BMPR2: variants seen among roughly 807,000 people sequenced by gnomAD.
BMPR2 encodes the protein bone morphogenetic protein receptor type-2.
In BMPR2, 29 loss-of-function variants were observed where a neutral mutation model predicts 100.8. The observed-to-expected ratio is 0.29, with a 90% CI of 0.21 to 0.39. BMPR2 has a LOEUF of 0.39. Ranked by LOEUF, BMPR2 falls within the 10% of genes least tolerant of loss-of-function variation. BMPR2 has a pLI of 1.00. For missense variants in BMPR2, 1,011 were observed against 1,274.5 expected (o/e 0.79, Z 3.15); for synonymous variants, 382 against 442.3 (o/e 0.86, Z 1.71).
At chr2:202,421,558 C>T (rs560606736) in intron 1 of BMPR2, among the ~76,000 whole-genome samples, 6 of 143,454 alleles carry the variant, frequency 4.2e-5, no homozygotes, top group South Asian at 4.4e-4. Context: ...AGGAGAATGG[C>T]GTGAACCTGG....
intron 7 of BMPR2, among the ~76,000 whole-genome samples, chr2:202,525,951 C>T (rs541304969): frequency 2.0e-5 from 3 of 146,990 alleles, no homozygotes; most frequent in South Asian, 4.3e-4. Context: ...CTGCAACCTC[C>T]GCCTCCCGGG....
rs555109009 is a variant in BMPR2 at position 202,503,218 on chromosome 2, G to A, written c.419-10501G>A. Reference sequence around the variant, plus strand: ...AGAGGGGGGATTGAGAGGTAACAGCGTGCTGGCAGTCCTCACAGCCCTCGC... The same window carrying A: ...AGAGGGGGGATTGAGAGGTAACAGCATGCTGGCAGTCCTCACAGCCCTCGC... On this transcript the variant is annotated intron_variant, in intron 3 of 12. Transcript: ENST00000374580. This position sits in a 1 kb window ranked among gnomAD's most constrained non-coding sequence, Gnocchi z 4.0. Among the ~76,000 whole-genome samples the A allele has an allele frequency of 7.2e-5, 11 of 152,348 alleles. No homozygotes were observed. The East Asian group carries it at 7.7e-4, about 11-fold the overall frequency.
At chr2:202,489,474 C>T (rs977747040) in intron 3 of BMPR2, among the ~76,000 whole-genome samples, 3 of 152,020 alleles carry the variant, frequency 2.0e-5, no homozygotes, top group African/African-American at 7.3e-5. Context: ...TCCTATATAA[C>T]CTAGAGAGAA....
chr2:202,450,099 G>A (rs907539407), intron 1 of BMPR2, among the ~76,000 whole-genome samples: 1 of 151,912 alleles, frequency 6.6e-6, no homozygotes, highest in Non-Finnish European at 1.5e-5. Context: ...AACAGAGCGA[G>A]ACTCCGTCTC....
In BMPR2 at chr2:202,391,430, C is replaced by T. The variant is rs568221527; in HGVS notation, c.76+13880C>T. On this transcript the variant is annotated intron_variant, in intron 1 of 12. Transcript: ENST00000374580. ...AAGTGATCCTCCCACCTCAGCCTCC[C>T]AGTAGCTGGGACTACAAGTGTGTAC... Among the ~76,000 whole-genome samples, 3 of 151,620 alleles carry T rather than the reference C, an allele frequency of 2.0e-5. No individual in the cohort carries two copies. In the South Asian group the frequency reaches 6.3e-4, roughly 32 times the overall value.
At chr2:202,397,333 A>G (rs1241584876) in intron 1 of BMPR2, among the ~76,000 whole-genome samples, 1 of 152,178 alleles carries the variant, frequency 6.6e-6, no homozygotes, top group Non-Finnish European at 1.5e-5. Context: ...TGCAGTACAT[A>G]CATTATACAG....
At chr2:202,379,057 C>G (rs1270018433) in intron 1 of BMPR2, among the ~76,000 whole-genome samples, 1 of 152,168 alleles carries the variant, frequency 6.6e-6, no homozygotes, top group Non-Finnish European at 1.5e-5. Flanking sequence ...ATACAATCAT[C>G]TTAGAATAGT....
At chr2:202,456,301 T>C (rs993339654) in intron 1 of BMPR2, among the ~76,000 whole-genome samples, 1 of 142,872 alleles carries the variant, frequency 7.0e-6, no homozygotes, top group Admixed American at 7.1e-5. Context: ...CCTCCCAACT[T>C]GCTGGGATTA....
intron 9 of BMPR2, among the ~76,000 whole-genome samples, chr2:202,535,938 G>A (rs1183667304): frequency 1.3e-5 from 2 of 151,782 alleles, no homozygotes; most frequent in East Asian, 2.0e-4. Context: ...GTCAGGCGTG[G>A]CGGCGCGTGC....
At chr2:202,401,814 G>T (rs1388208762) in intron 1 of BMPR2, among the ~76,000 whole-genome samples, 1 of 152,130 alleles carries the variant, frequency 6.6e-6, no homozygotes, top group African/African-American at 2.4e-5. Flanking sequence ...TCTTAACAAA[G>T]ATATGATTTA....
In BMPR2 at chr2:202,480,887, G is replaced by A. The variant is rs1378527998; in HGVS notation, c.418+13198G>A. 4.0e-5 allele frequency among the ~76,000 whole-genome samples: 6 copies of A among 148,624 alleles called. No individual in the cohort carries two copies. The Admixed American group carries it at 4.1e-4, about 10-fold the overall frequency. On this transcript the variant is annotated intron_variant, in intron 3 of 12. Transcript: ENST00000374580. Reference sequence around the variant, plus strand: ...GGAGAATGGCATGAATCTGGGAGGTGGAGGTTGCAGTGAGCCGAGATCGTG... The same window carrying A: ...GGAGAATGGCATGAATCTGGGAGGTAGAGGTTGCAGTGAGCCGAGATCGTG...
intron 3 of BMPR2, among the ~76,000 whole-genome samples, chr2:202,508,405 C>G (rs1415464273): frequency 2.0e-5 from 3 of 152,112 alleles, no homozygotes; most frequent in Non-Finnish European, 4.4e-5. Flanking sequence ...CTATTATTTC[C>G]TTATCACCAA....
intron 1 of BMPR2, among the ~76,000 whole-genome samples, chr2:202,389,836 T>G (rs1048318524): frequency 1.3e-5 from 2 of 151,896 alleles, no homozygotes; most frequent in Non-Finnish European, 2.9e-5. Context: ...AGATGGGTTT[T>G]TCCATGTTGG....
At position 202,480,911 on chromosome 2, in the gene BMPR2, T is replaced by C. The variant is rs371682841; in HGVS notation, c.418+13222T>C. Among the ~76,000 whole-genome samples, 921 of 127,296 alleles carry C rather than the reference T, an allele frequency of 7.2e-3. 8 individuals carry two copies. The highest frequency in any genetic ancestry group is 0.027 in the African/African-American group (878 of 32,688). The allele number at this position is 127,296 out of a possible 152,430, so 83.5% of individuals were successfully genotyped here. ...TGGAGGTTGCAGTGAGCCGAGATCG[T>C]GCCACTGCACTCCAGCCTGGGCGAC... On this transcript the variant is annotated intron_variant, in intron 3 of 12. Transcript: ENST00000374580.
intron 1 of BMPR2, among the ~76,000 whole-genome samples, chr2:202,411,150 C>G (rs995409746): frequency 2.6e-5 from 4 of 152,086 alleles, no homozygotes; most frequent in African/African-American, 9.7e-5. Flanking sequence ...AGTATCTGCC[C>G]TACAAAATAC....
chr2:202,407,326 A>C (rs939521417), intron 1 of BMPR2, among the ~76,000 whole-genome samples: 1 of 151,702 alleles, frequency 6.6e-6, no homozygotes, highest in Admixed American at 6.6e-5. Context: ...CTCCTGATCC[A>C]TCCTTCTTGG....
intron 3 of BMPR2, among the ~76,000 whole-genome samples, chr2:202,479,873 TTTCCTGTGCTTCTTAAACATTGTATA>T (rs1208105075): frequency 2.0e-5 from 3 of 152,150 alleles, no homozygotes; most frequent in African/African-American, 7.3e-5. Flanking sequence ...ATGAGCATCT[TTTCCTGTGCTTCTTAAACATTGTATA>T]TTTTATTTGG....
At chr2:202,508,016 A>G (rs2105997503) in intron 3 of BMPR2, among the ~76,000 whole-genome samples, 1 of 148,894 alleles carries the variant, frequency 6.7e-6, no homozygotes, top group East Asian at 2.0e-4. Context: ...ACACATTTTA[A>G]CATATGTGAT....
intron 3 of BMPR2, among the ~76,000 whole-genome samples, chr2:202,471,967 A>G (rs1692447565): frequency 6.6e-6 from 1 of 151,990 alleles, no homozygotes; most frequent in Non-Finnish European, 1.5e-5. Flanking sequence ...GCAAACAGTA[A>G]AATGGTATCA....
Sources: gnomAD v4.1 joint callset for allele counts (sites outside exome capture counted in the v4.1 genomes callset) on GRCh38, gnomAD v4.1.1 for gene constraint, Gnocchi (gnomAD v3.1) non-coding constraint, MANE v1.5 for transcripts, NCBI Gene and HGNC (gene_info 2026-07-23, HGNC 2026-07-21) for gene names.